The following WDFY4 variants were observed in gnomAD, a reference collection of about 807,000 sequenced individuals.
The protein encoded by WDFY4 is WD repeat- and FYVE domain-containing protein 4.
Under a neutral mutation model 351.9 loss-of-function variants are expected in WDFY4, and 169 were observed. The observed-to-expected ratio is 0.48, with a 90% CI of 0.42 to 0.55. WDFY4 has a LOEUF of 0.55. WDFY4 is among the 20% of genes least tolerant of loss of function. WDFY4 has a pLI of 0.00. For missense variants in WDFY4, 3,803 were observed against 3,935.6 expected (o/e 0.97, Z 0.90); for synonymous variants, 1,622 against 1,574.6 (o/e 1.03, Z -0.71).
At chr10:48,823,143 C>T (rs1408865620) in intron 35 of WDFY4, 3 of 1,301,572 alleles carry the variant, frequency 2.3e-6, no homozygotes, top group Non-Finnish European at 3.0e-6. Context: ...CGTACAATCT[C>T]AAAATTCCAG....
intron 1 of WDFY4, among the ~76,000 whole-genome samples, chr10:48,685,751 AC>A (rs142937944): frequency 0.19 from 28,578 of 152,128 alleles, 3,417 homozygotes; most frequent in Non-Finnish European, 0.28. Flanking sequence ...TCTATGCATT[AC>A]CCTTTCCATG....
At chr10:48,820,681 G>A (rs1565236336) in intron 33 of WDFY4, among the ~76,000 whole-genome samples, 1 of 152,196 alleles carries the variant, frequency 6.6e-6, no homozygotes, top group Non-Finnish European at 1.5e-5. Context: ...GTTGGAGGCG[G>A]TGTTCTCAGG....
chr10:48,810,787 T>C lies in WDFY4; in HGVS notation c.5044+52T>C, dbSNP rs539066907. 1.9e-5 allele frequency: 27 copies of C among 1,452,880 alleles called. No individual in the cohort carries two copies. In the South Asian group the frequency reaches 3.5e-4, roughly 19 times the overall value. 90.0% of individuals were successfully genotyped at this position (1,452,880 alleles called of 1,614,324 possible). On this transcript the variant is annotated intron_variant, in intron 29 of 61. Transcript: ENST00000325239. ...TGGGGCACCACCTAGTCCTGGGATG[T>C]GAATGAGGACCAAGCCAGGCCCCTT...
intron 34 of WDFY4, 32 bp downstream of exon 34, chr10:48,821,208 T>C: frequency 9.3e-6 from 14 of 1,501,756 alleles, no homozygotes; most frequent in Non-Finnish European, 1.3e-5. Flanking sequence ...CCTCCATTCA[T>C]GACATGAGGC....
At chr10:48,794,702 A>G (rs2066798162) in intron 23 of WDFY4, among the ~76,000 whole-genome samples, 1 of 152,218 alleles carries the variant, frequency 6.6e-6, no homozygotes, top group African/African-American at 2.4e-5. Context: ...GGAATCTGAA[A>G]AAAGAACGTG....
chr10:48,863,909 A>T (rs1040202734), intron 39 of WDFY4, among the ~76,000 whole-genome samples: 3 of 152,112 alleles, frequency 2.0e-5, no homozygotes, highest in Admixed American at 6.6e-5. Flanking sequence ...TGTTGAGCGA[A>T]GTGGGGAAGA....
At chr10:48,799,078 G>A (rs1311678018) in intron 24 of WDFY4, among the ~76,000 whole-genome samples, 1 of 152,162 alleles carries the variant, frequency 6.6e-6, no homozygotes, top group African/African-American at 2.4e-5. Flanking sequence ...GCTCCAAGGT[G>A]TCCTGGCCAC....
chr10:48,902,195 G>T (rs776565259), intron 47 of WDFY4, among the ~76,000 whole-genome samples: 4 of 152,228 alleles, frequency 2.6e-5, no homozygotes, highest in Non-Finnish European at 5.9e-5. Context: ...CCATGGGGGT[G>T]TGTGAGCAAT....
rs1442725927 is a variant in WDFY4, at chr10:48,743,264, G to A, written c.2175G>A (p.Glu725=). 10 of 1,551,598 alleles carry A rather than the reference G, an allele frequency of 6.4e-6. No individual in the cohort carries two copies. Among genetic ancestry groups the A allele is most frequent in the Non-Finnish European group, 8.7e-6 (10 of 1,147,008 alleles). ...LCLLGCFGAL[E]EEGNLLRSWV... is the part of the protein sequence containing the mutation. ...TGCTGGGCTGTTTTGGAGCCCTGGA[G>A]GAAGAGGGCAACCTGCTGCGCTCTT... Residue 725 remains glutamate (E), a synonymous_variant, in exon 12 of 62, where the codon GAG becomes GAA. Transcript: ENST00000325239.
intron 24 of WDFY4, among the ~76,000 whole-genome samples, chr10:48,797,385 A>ATGTT (rs2066912014): frequency 6.6e-6 from 1 of 152,194 alleles, no homozygotes; most frequent in African/African-American, 2.4e-5. Context: ...AAATTGATAT[A>ATGTT]TGTTTATTAT....
intron 47 of WDFY4, among the ~76,000 whole-genome samples, chr10:48,917,074 C>A (rs1838617605): frequency 6.6e-6 from 1 of 152,158 alleles, no homozygotes; most frequent in African/African-American, 2.4e-5. Flanking sequence ...AGTACAGTAA[C>A]ATGCTGTACA....
At chr10:48,692,911 C>G (rs969380432) in intron 1 of WDFY4, among the ~76,000 whole-genome samples, 1 of 152,160 alleles carries the variant, frequency 6.6e-6, no homozygotes, top group Non-Finnish European at 1.5e-5. Flanking sequence ...GCAGGATGGC[C>G]CAATAGTGGG....
At chr10:48,912,406 C>T (rs1838088074) in intron 47 of WDFY4, among the ~76,000 whole-genome samples, 1 of 152,186 alleles carries the variant, frequency 6.6e-6, no homozygotes, top group Non-Finnish European at 1.5e-5. Context: ...CAAGGGGATG[C>T]CAAGTCAGAA....
chr10:48,979,425 C>A, intron 60 of WDFY4, among the ~76,000 whole-genome samples: 1 of 152,244 alleles, frequency 6.6e-6, no homozygotes, highest in East Asian at 1.9e-4. Context: ...TGAGACTGCA[C>A]ACCATTTTAG....
rs1240539448 is a variant in WDFY4, at chr10:48,946,103, A to C, written c.7813A>C (p.Lys2605Gln). 4 of 1,549,100 alleles carry C rather than the reference A, an allele frequency of 2.6e-6. No homozygotes were observed. The African/African-American group carries it at 5.5e-5, about 21-fold the overall frequency. Reference sequence around the variant, plus strand: ...TTCAAAGCCCATGGGGGCTCAGACCAAGGAAAGGAAGCTGAAATTTATCCA... The same window carrying C: ...TTCAAAGCCCATGGGGGCTCAGACCCAGGAAAGGAAGCTGAAATTTATCCA... ...DLSKPMGAQT[K>Q]ERKLKFIQRF... The change falls in exon 50 of 62, where the codon AAG (lysine) becomes CAG (glutamine). Residue 2605 changes from lysine to glutamine, a missense_variant. Lys to Gln is a moderately conservative substitution (Grantham distance 53). Transcript: ENST00000325239.
intron 57 of WDFY4, among the ~76,000 whole-genome samples, chr10:48,974,194 C>T (rs1054327944): frequency 4.6e-5 from 7 of 152,020 alleles, no homozygotes; most frequent in Non-Finnish European, 8.8e-5. Flanking sequence ...GCCAACAGTG[C>T]TTTGTATGTT....
In WDFY4 at chr10:48,807,852, T is replaced by C. The variant is rs1308460677; in HGVS notation, c.4739-7T>C. 1 of 1,551,604 alleles carries C rather than the reference T, an allele frequency of 6.4e-7. No homozygotes were observed. Among genetic ancestry groups the C allele is most frequent in the Non-Finnish European group, 8.7e-7 (1 of 1,146,944 alleles). On this transcript the variant is annotated splice_region_variant and splice_polypyrimidine_tract_variant and intron_variant, in intron 27 of 61. Coordinates refer to ENST00000325239, the MANE Select transcript of WDFY4 (RefSeq NM_001394531.1). ...ATTTTCTCTCAAATCTGAATTCTTT[T>C]TTGTAGCTGGAAGCCAAACATCTGG...
chr10:48,893,371 C>T (rs992012063), intron 44 of WDFY4, among the ~76,000 whole-genome samples: 1 of 152,232 alleles, frequency 6.6e-6, no homozygotes, highest in African/African-American at 2.4e-5. Flanking sequence ...AGGATTTCAA[C>T]ATATCTCTTT....
intron 2 of WDFY4, among the ~76,000 whole-genome samples, chr10:48,718,296 A>C (rs957269970): frequency 3.3e-5 from 5 of 152,100 alleles, no homozygotes; most frequent in African/African-American, 1.2e-4. Context: ...TTTTCTCCCA[A>C]TTTGTGGCTT....
Sources: gnomAD v4.1 joint callset for allele counts (sites outside exome capture counted in the v4.1 genomes callset) on GRCh38, gnomAD v4.1.1 for gene constraint, MANE v1.5 for transcripts, NCBI Gene and HGNC (gene_info 2026-07-23, HGNC 2026-07-21) for gene names.